DPYSL4: variants seen among roughly 807,000 people sequenced by gnomAD.
DPYSL4 encodes dihydropyrimidinase-related protein 4.
Under a neutral mutation model 63.4 loss-of-function variants are expected in DPYSL4, and 43 were observed. That is an observed-to-expected ratio of 0.68 (90% confidence interval 0.53 to 0.88). The LOEUF is 0.88. Ranked by LOEUF, DPYSL4 falls within the 40% of genes least tolerant of loss-of-function variation. The probability of loss-of-function intolerance (pLI) is 0.00; values close to 1 mark genes in which losing one functional copy is unlikely to be tolerated. For missense variants in DPYSL4, 733 were observed against 819.5 expected, an observed-to-expected ratio of 0.89 and a Z score of 1.29; for synonymous variants, 353 against 331.7, an observed-to-expected ratio of 1.06 and a Z score of -0.70.
chr10:132,203,604 C>CA lies in DPYSL4; in HGVS notation c.1462-157dup, dbSNP rs1232440055. ...TGTGAACTTGGGTTGAGCACCCCCC[C>CA]AGGGCAGCCCCAAATTCCTGAAGCT... On this transcript the variant is annotated intron_variant, in intron 12 of 13. Transcript: ENST00000338492. 4 of 675,716 alleles carry CA rather than the reference C, an allele frequency of 5.9e-6. No homozygotes were observed. The Admixed American group carries it at 1.2e-4, about 20-fold the overall frequency. The allele number at this position is 675,716 out of a possible 1,614,324, so 41.9% of individuals were successfully genotyped here.
chr10:132,189,605 T>TCTTCCCCATCA (rs2061848144), intron 1 of DPYSL4, among the ~76,000 whole-genome samples: 1 of 152,082 alleles, frequency 6.6e-6, no homozygotes, highest in East Asian at 1.9e-4. Flanking sequence ...TCACCCCATC[T>TCTTCCCCATCA]CTTCCCCATC....
chr10:132,196,145 G>A (rs1043052729), intron 4 of DPYSL4, among the ~76,000 whole-genome samples: 18 of 152,208 alleles, frequency 1.2e-4, no homozygotes, highest in African/African-American at 3.9e-4. Context: ...ACCCAGCGAG[G>A]AGGAGATGCC....
In DPYSL4 at chr10:132,198,835, C is replaced by T. The variant is rs770294674; in HGVS notation, c.691-16C>T. ...AGGGCCCTCGTGTGGCCTCATCCCT[C>T]TCATCTCGTCCCCAGGTGGAGGCTG... On this transcript the variant is annotated splice_polypyrimidine_tract_variant and intron_variant, in intron 7 of 13. Coordinates refer to ENST00000338492, the MANE Select transcript of DPYSL4 (RefSeq NM_006426.3). 3 of 1,612,534 alleles carry T rather than the reference C, an allele frequency of 1.9e-6. No individual in the cohort carries two copies. The highest frequency in any genetic ancestry group is 2.5e-6 in the Non-Finnish European group (3 of 1,179,726).
chr10:132,188,559 G>A (rs1340754205), intron 1 of DPYSL4, among the ~76,000 whole-genome samples: 1 of 152,226 alleles, frequency 6.6e-6, no homozygotes, highest in African/African-American at 2.4e-5. Flanking sequence ...GCTCAGCTGG[G>A]ACTGGGCAGG....
chr10:132,191,476 G>A (rs10082475), intron 2 of DPYSL4, among the ~76,000 whole-genome samples: 3,670 of 95,872 alleles, frequency 0.038, 681 homozygotes, highest in East Asian at 0.094. Context: ...TTCCCAGCTC[G>A]TGTGTACACG....
chr10:132,187,754 C>T (rs2061823609), intron 1 of DPYSL4, among the ~76,000 whole-genome samples: 1 of 152,248 alleles, frequency 6.6e-6, no homozygotes, highest in African/African-American at 2.4e-5. Flanking sequence ...GGAACCCTGG[C>T]AGCCCCTGAA....
At position 132,201,530 on chromosome 10, in the gene DPYSL4, G is replaced by A. The variant is rs146879444; in HGVS notation, c.1111-416G>A. Reference sequence around the variant, plus strand: ...CACAAAGTGAATGCAGAAAGGCTTCGCCCAGGAAGGGGCAGACCAGCAGGC... The same window carrying A: ...CACAAAGTGAATGCAGAAAGGCTTCACCCAGGAAGGGGCAGACCAGCAGGC... On this transcript the variant is annotated intron_variant, in intron 10 of 13. Coordinates refer to ENST00000338492, the MANE Select transcript of DPYSL4 (RefSeq NM_006426.3). Among the ~76,000 whole-genome samples the A allele has an allele frequency of 4.8e-3, 726 of 152,338 alleles. 5 individuals carry two copies. The highest frequency in any genetic ancestry group is 0.017 in the African/African-American group (689 of 41,582).
chr10:132,203,845 C>A lies in DPYSL4; in HGVS notation c.1545C>A (p.Gly515=). The part of the protein sequence containing the change: ...EVMVPAKPGS[G]APARASCPGK... ...TGGTGCCTGCCAAGCCAGGGAGTGG[C>A]GCTCCGGCCCGCGCGTCCTGCCCAG... is the stretch of plus-strand genomic sequence containing the variant. The change falls in exon 13 of 14, where the codon GGC becomes GGA. Residue 515 remains glycine (G), a synonymous_variant. Coordinates refer to ENST00000338492, the MANE Select transcript of DPYSL4 (RefSeq NM_006426.3). The A allele has an allele frequency of 6.2e-7, 1 of 1,612,988 alleles. No homozygotes were observed. Among genetic ancestry groups the A allele is most frequent in the East Asian group, 2.2e-5 (1 of 44,868 alleles).
intron 2 of DPYSL4, chr10:132,192,282 G>C: frequency 1.0e-6 from 1 of 985,640 alleles, no homozygotes; most frequent in Non-Finnish European, 1.2e-6. Context: ...GTTCATCGCA[G>C]CACTTAGTAT....
chr10:132,200,600 C>T (rs958431831), intron 9 of DPYSL4, 88 bp downstream of exon 9: 22 of 1,531,566 alleles, frequency 1.4e-5, no homozygotes, highest in East Asian at 7.1e-5. Context: ...GCCTCTCCCA[C>T]GGCTCCCATA....
chr10:132,193,018 G>A (rs1590091959), intron 3 of DPYSL4, among the ~76,000 whole-genome samples, 176 bp downstream of exon 3: 1 of 152,260 alleles, frequency 6.6e-6, no homozygotes, highest in African/African-American at 2.4e-5. Flanking sequence ...TCTCACTCTG[G>A]GTGTTTCTGT....
chr10:132,194,945 C>G lies in DPYSL4; in HGVS notation c.414C>G (p.His138Gln). 6 of 1,611,782 alleles carry G rather than the reference C, an allele frequency of 3.7e-6. No individual in the cohort carries two copies. The highest frequency in any genetic ancestry group is 5.1e-6 in the Non-Finnish European group (6 of 1,179,928). The change falls in exon 4 of 14, where the codon CAC (histidine) becomes CAG (glutamine). Residue 138 changes from histidine (H) to glutamine (Q), a missense_variant. By Grantham distance (24) the His-to-Gln change is conservative (BLOSUM62 0). Coordinates refer to ENST00000338492, the MANE Select transcript of DPYSL4 (RefSeq NM_006426.3). ...DSAACCDYSL[H>Q]VDITRWHESI... Reference sequence around the variant, plus strand: ...CGGCCTGCTGCGACTACTCCCTGCACGTGGACATCACCCGATGGCATGAGA... The same window carrying G: ...CGGCCTGCTGCGACTACTCCCTGCAGGTGGACATCACCCGATGGCATGAGA...
At chr10:132,204,147 G>T (rs541457363) in intron 13 of DPYSL4, among the ~76,000 whole-genome samples, 1 of 152,376 alleles carries the variant, frequency 6.6e-6, no homozygotes, top group East Asian at 1.9e-4. Context: ...CAGCTGTGAT[G>T]AACCCTCACC....
chr10:132,187,012 C>CCTG lies in DPYSL4; in HGVS notation c.-52_-51insCTG. On this transcript the variant is annotated 5_prime_UTR_variant, in exon 1 of 14. Transcript: ENST00000338492. ...TCACGCGTCCCCCCGCCCGCCCGCC[C>CCTG]GCCCGCCCGCCCCCGCTTGTGCCGC... 1 of 222,370 alleles carries CCTG rather than the reference C, an allele frequency of 4.5e-6. No homozygotes were observed. Among genetic ancestry groups the CCTG allele is most frequent in the East Asian group, 5.6e-5 (1 of 17,866 alleles). 13.8% of individuals were successfully genotyped at this position (222,370 alleles called of 1,614,324 possible). A position where few individuals can be genotyped will look rare whatever the true frequency, so the allele number is the denominator to read the frequency against.
chr10:132,199,958 G>A (rs964597915), intron 8 of DPYSL4, among the ~76,000 whole-genome samples: 1 of 152,092 alleles, frequency 6.6e-6, no homozygotes, highest in Non-Finnish European at 1.5e-5. Flanking sequence ...CCACTGGTGG[G>A]AGCTGCCTCA....
chr10:132,187,875 G>A (rs868709620), intron 1 of DPYSL4, among the ~76,000 whole-genome samples: 2 of 152,328 alleles, frequency 1.3e-5, no homozygotes, highest in South Asian at 4.1e-4. Context: ...GGGGTGGGAG[G>A]AAGGAGGCTT....
At chr10:132,203,545 C>T (rs574124292) in intron 12 of DPYSL4, 2 of 560,078 alleles carry the variant, frequency 3.6e-6, no homozygotes, top group Non-Finnish European at 6.4e-6. Context: ...GGGCATTATA[C>T]ACGTATGGGG....
At chr10:132,190,083 A>G (rs1317553671) in intron 1 of DPYSL4, among the ~76,000 whole-genome samples, 6 of 152,212 alleles carry the variant, frequency 3.9e-5, no homozygotes, top group Admixed American at 3.9e-4. Context: ...CTGGCCCCAG[A>G]GGTCCTTCTC....
At chr10:132,204,635 G>A (rs1044500057) in intron 13 of DPYSL4, among the ~76,000 whole-genome samples, 1 of 152,126 alleles carries the variant, frequency 6.6e-6, no homozygotes. Context: ...ATGATCTCCT[G>A]GGCAGCCTCA....
Sources: gnomAD v4.1 joint callset for allele counts (sites outside exome capture counted in the v4.1 genomes callset) on GRCh38, gnomAD v4.1.1 for gene constraint, MANE v1.5 for transcripts, NCBI Gene and HGNC (gene_info 2026-07-23, HGNC 2026-07-21) for gene names.